The following VPS13A variants were observed in gnomAD, a reference collection of about 807,000 sequenced individuals.
The protein encoded by VPS13A is intermembrane lipid transfer protein VPS13A.
In VPS13A, 264 loss-of-function variants were observed where a neutral mutation model predicts 390.9. The observed-to-expected ratio is 0.68, with a 90% CI of 0.61 to 0.75. The LOEUF (loss-of-function observed/expected upper bound fraction) is 0.75. Ranked by LOEUF, VPS13A falls within the 30% of genes least tolerant of loss-of-function variation. The probability of loss-of-function intolerance (pLI) is 0.00; values close to 1 mark genes in which losing one functional copy is unlikely to be tolerated. For synonymous variants in VPS13A, 1,231 were observed against 1,227.1 expected, an observed-to-expected ratio of 1.00 and a Z score of -0.07; for missense variants, 3,409 against 3,733.9, an observed-to-expected ratio of 0.91 and a Z score of 2.27.
chr9:77,224,993 G>T (rs537748976), intron 13 of VPS13A, among the ~76,000 whole-genome samples: 1 of 152,314 alleles, frequency 6.6e-6, no homozygotes, highest in South Asian at 2.1e-4. Flanking sequence ...ACAACTCGTT[G>T]ATGGCTCAGA....
At chr9:77,290,606 A>C (rs1373225892) in intron 31 of VPS13A, among the ~76,000 whole-genome samples, 1 of 149,974 alleles carries the variant, frequency 6.7e-6, no homozygotes, top group East Asian at 2.0e-4. Flanking sequence ...CAGCCTTTGG[A>C]TGTTCTGTTC....
intron 31 of VPS13A, among the ~76,000 whole-genome samples, chr9:77,292,923 A>G (rs1391126855): frequency 6.6e-6 from 1 of 152,178 alleles, no homozygotes; most frequent in Non-Finnish European, 1.5e-5. Context: ...ATCTATTCAC[A>G]TACCTCAAAT....
chr9:77,310,189 T>C (rs1473730015), intron 35 of VPS13A, among the ~76,000 whole-genome samples: 3 of 152,048 alleles, frequency 2.0e-5, no homozygotes, highest in African/African-American at 7.2e-5. Context: ...AGTCAGGAAA[T>C]CTAGGAAACA....
At position 77,315,388 on chromosome 9, in the gene VPS13A, T is replaced by C; in HGVS notation, c.4548T>C (p.Thr1516=). The part of the protein sequence containing the change: ...YICASVEFLQ[T]VANVFLEAYT... The stretch of plus-strand genomic sequence containing the variant: ...GTGCAAGCGTAGAATTTCTGCAGAC[T>C]GTTGCAAATGTCTTTCTTGAGGCCT... Residue 1516 remains threonine, a synonymous_variant, in exon 38 of 72, where the codon ACT becomes ACC. Coordinates refer to ENST00000360280, the MANE Select transcript of VPS13A (RefSeq NM_033305.3). 6.2e-7 allele frequency: 1 copy of C among 1,613,986 alleles called. No homozygotes were observed. Among genetic ancestry groups the C allele is most frequent in the Non-Finnish European group, 8.5e-7 (1 of 1,179,874 alleles).
intron 10 of VPS13A, among the ~76,000 whole-genome samples, chr9:77,216,171 G>GA (rs141213186): frequency 0.023 from 3,457 of 151,482 alleles, 123 homozygotes; most frequent in African/African-American, 0.079. Flanking sequence ...GCTGGAAAAA[G>GA]AAAAAAAAAT....
intron 67 of VPS13A, among the ~76,000 whole-genome samples, chr9:77,375,541 A>G (rs775921032): frequency 6.6e-6 from 1 of 152,194 alleles, no homozygotes; most frequent in Non-Finnish European, 1.5e-5. Flanking sequence ...TAATTAGGTA[A>G]TGATAAAAAG....
intron 69 of VPS13A, among the ~76,000 whole-genome samples, 196 bp from the exon 70 acceptor site, chr9:77,405,668 G>C (rs1045742596): frequency 6.6e-6 from 1 of 151,928 alleles, no homozygotes; most frequent in African/African-American, 2.4e-5. Flanking sequence ...TTTTTGTTTG[G>C]GTTTCTAGTT....
intron 67 of VPS13A, among the ~76,000 whole-genome samples, chr9:77,381,074 G>A (rs983735173): frequency 6.6e-6 from 1 of 152,188 alleles, no homozygotes; most frequent in Non-Finnish European, 1.5e-5. Flanking sequence ...GGTCACTTAT[G>A]ACCAAATAAG....
chr9:77,398,637 C>T (rs1424911962), intron 68 of VPS13A, among the ~76,000 whole-genome samples: 1 of 152,082 alleles, frequency 6.6e-6, no homozygotes, highest in East Asian at 1.9e-4. Flanking sequence ...AGACTTTTTA[C>T]AGCGTGACGT....
At chr9:77,414,052 C>G (rs898215705) in intron 71 of VPS13A, among the ~76,000 whole-genome samples, 2 of 152,132 alleles carry the variant, frequency 1.3e-5, no homozygotes, top group African/African-American at 4.8e-5. Flanking sequence ...CCATCTCACA[C>G]CAGTTAGAAT....
rs1385556570 is a variant in VPS13A at position 77,416,434 on chromosome 9, A to G, written c.*428A>G. 5.8e-6 allele frequency: 1 copy of G among 172,232 alleles called. No individual in the cohort carries two copies. The highest frequency in any genetic ancestry group is 1.3e-5 in the Non-Finnish European group (1 of 79,570). The allele number at this position is 172,232 out of a possible 1,614,324, so 10.7% of individuals were successfully genotyped here. On this transcript the variant is annotated 3_prime_UTR_variant, in exon 72 of 72. Transcript: ENST00000360280. ...ATGCTTATTTCAAACTCCCTGAGTG[A>G]TGGGTAAGAAATCAAACATTGCCTC...
chr9:77,383,711 G>A (rs1833553321), intron 68 of VPS13A, among the ~76,000 whole-genome samples: 1 of 151,892 alleles, frequency 6.6e-6, no homozygotes, highest in South Asian at 2.1e-4. Context: ...GTAAAAACAT[G>A]ACTTTTGACT....
rs199624904 is a variant in VPS13A at position 77,407,615 on chromosome 9, T to C, written c.9474+8T>C. 1.9e-6 allele frequency: 3 copies of C among 1,594,942 alleles called. No individual in the cohort carries two copies. The highest frequency in any genetic ancestry group is 1.7e-5 in the Admixed American group (1 of 59,922). On this transcript the variant is annotated splice_region_variant and intron_variant, in intron 71 of 71. Transcript: ENST00000360280. ...ACCCCAGAGGATGCCAGGGTAAATA[T>C]AATAAATCTTTTATTTAAATAGGAG...
chr9:77,402,102 T>C (rs12347526), intron 68 of VPS13A, among the ~76,000 whole-genome samples: 39,586 of 152,038 alleles, frequency 0.26, 5,345 homozygotes, highest in Middle Eastern at 0.38. Context: ...TATGTCCCTT[T>C]TTCATTTGTA....
At position 77,369,103 on chromosome 9, in the gene VPS13A, C is replaced by A. The variant is rs117207458; in HGVS notation, c.8554-196C>A. Among the ~76,000 whole-genome samples the A allele has an allele frequency of 8.2e-4, 124 of 152,112 alleles. 1 individual carries two copies. The East Asian group carries it at 0.024, about 29-fold the overall frequency. On this transcript the variant is annotated intron_variant, in intron 62 of 71. Coordinates refer to ENST00000360280, the MANE Select transcript of VPS13A (RefSeq NM_033305.3). ...CCGAGATGGCGCCACCGCATTCCAG[C>A]CTGGGCAACAGAGCAGGACTGTCTC...
rs998711723 is a variant in VPS13A, at chr9:77,371,054, C to T, written c.8982C>T (p.Phe2994=). The T allele has an allele frequency of 1.2e-6, 2 of 1,614,084 alleles. No individual in the cohort carries two copies. The highest frequency in any genetic ancestry group is 1.6e-4 in the Middle Eastern group (1 of 6,062). Residue 2994 remains phenylalanine, a synonymous_variant, in exon 67 of 72, where the codon TTC becomes TTT. Transcript: ENST00000360280. ...CTCAAAAAGGAGGAGCAGCTGGTTT[C>T]TTTAAAGGTGTTGGGAAAGGTTTAG... ...KGAQKGGAAG[F]FKGVGKGLVG...
intron 31 of VPS13A, among the ~76,000 whole-genome samples, chr9:77,288,550 T>C (rs1248571451): frequency 6.6e-6 from 1 of 152,250 alleles, no homozygotes; most frequent in Non-Finnish European, 1.5e-5. Context: ...ATATGTTATT[T>C]AACTTCTAAA....
chr9:77,245,125 A>G (rs898669531), intron 19 of VPS13A, among the ~76,000 whole-genome samples: 2 of 152,182 alleles, frequency 1.3e-5, no homozygotes, highest in African/African-American at 4.8e-5. Flanking sequence ...TGCAATGGAA[A>G]ATAGGGGAGA....
intron 22 of VPS13A, among the ~76,000 whole-genome samples, chr9:77,255,286 C>T (rs867654015): frequency 6.6e-6 from 1 of 151,962 alleles, no homozygotes; most frequent in South Asian, 2.1e-4. Context: ...TTTTTTCCTT[C>T]ATTCTGTTAA....
Sources: gnomAD v4.1 joint callset for allele counts (sites outside exome capture counted in the v4.1 genomes callset) on GRCh38, gnomAD v4.1.1 for gene constraint, MANE v1.5 for transcripts, NCBI Gene and HGNC (gene_info 2026-07-23, HGNC 2026-07-21) for gene names.